ADAM12: variants seen among roughly 807,000 people sequenced by gnomAD.
ADAM12 encodes the protein ADAM metallopeptidase domain 12.
ADAM12 carries 70 observed loss-of-function variants against 106.4 expected under a neutral mutation model. The observed-to-expected ratio is 0.66, with a 90% CI of 0.54 to 0.80. ADAM12 has a LOEUF of 0.80. Among genes scored for constraint, ADAM12 ranks in the 30% least tolerant of loss-of-function variants. The pLI, the probability that ADAM12 is intolerant of heterozygous loss-of-function variation, is 0.00. For synonymous variants in ADAM12, 420 were observed against 433.5 expected (o/e 0.97, Z 0.39); for missense variants, 1,010 against 1,171.9 (o/e 0.86, Z 2.02).
At chr10:126,340,377 C>CT (rs1167841476) in intron 1 of ADAM12, among the ~76,000 whole-genome samples, 2 of 152,182 alleles carry the variant, frequency 1.3e-5, no homozygotes, top group African/African-American at 4.8e-5. Flanking sequence ...CTTTTATAAG[C>CT]TTACCTTGTT....
chr10:126,162,477 G>A (rs1420507133), intron 3 of ADAM12, among the ~76,000 whole-genome samples: 2 of 152,194 alleles, frequency 1.3e-5, no homozygotes, highest in Non-Finnish European at 2.9e-5. Context: ...AGACAGGCAG[G>A]CTGGGGACAG....
intron 1 of ADAM12, among the ~76,000 whole-genome samples, chr10:126,356,307 T>A (rs1296801398): frequency 6.6e-6 from 1 of 152,162 alleles, no homozygotes; most frequent in Non-Finnish European, 1.5e-5. Context: ...CAGCCAGTAG[T>A]TCTGCCTAAT....
intron 22 of ADAM12, among the ~76,000 whole-genome samples, chr10:126,017,586 G>A (rs1202413317): frequency 6.6e-6 from 1 of 152,114 alleles, no homozygotes; most frequent in East Asian, 1.9e-4. Context: ...AAATTTTCTA[G>A]TAGCCACATG....
intron 3 of ADAM12, among the ~76,000 whole-genome samples, chr10:126,156,299 G>T (rs1375160095): frequency 6.6e-6 from 1 of 152,182 alleles, no homozygotes; most frequent in Non-Finnish European, 1.5e-5. Context: ...GATTCATGCT[G>T]ACTTTCTAGA....
At chr10:126,358,258 C>A (rs1390736008) in intron 1 of ADAM12, among the ~76,000 whole-genome samples, 2 of 151,746 alleles carry the variant, frequency 1.3e-5, no homozygotes, top group African/African-American at 4.8e-5. Context: ...AAAAACCTAG[C>A]ACACCAAATT....
intron 21 of ADAM12, among the ~76,000 whole-genome samples, chr10:126,025,656 G>A (rs1476994612): frequency 6.6e-6 from 1 of 151,956 alleles, no homozygotes. Flanking sequence ...AACAGAAAAT[G>A]ACCCACAAAA....
chr10:126,329,334 A>G (rs1229609372), intron 2 of ADAM12, among the ~76,000 whole-genome samples: 1 of 152,138 alleles, frequency 6.6e-6, no homozygotes, highest in Non-Finnish European at 1.5e-5. Flanking sequence ...TCTATTATTC[A>G]TGTATATCAA....
intron 21 of ADAM12, among the ~76,000 whole-genome samples, chr10:126,020,614 G>A (rs957396970): frequency 1.3e-5 from 2 of 152,138 alleles, no homozygotes; most frequent in Non-Finnish European, 2.9e-5. Flanking sequence ...AGAAAATAAT[G>A]CATAGGAAGT....
chr10:126,092,194 G>A (rs988953622), intron 11 of ADAM12, among the ~76,000 whole-genome samples: 3 of 152,144 alleles, frequency 2.0e-5, no homozygotes, highest in African/African-American at 7.2e-5. Flanking sequence ...ACCATTTCTG[G>A]AGGCCCATAG....
intron 3 of ADAM12, among the ~76,000 whole-genome samples, chr10:126,265,101 C>G (rs1959072516): frequency 6.6e-6 from 1 of 152,134 alleles, no homozygotes; most frequent in Admixed American, 6.5e-5. Flanking sequence ...TGTGGTGCAC[C>G]TCGTTATCCC....
chr10:126,100,478 C>G (rs867510621), intron 9 of ADAM12, among the ~76,000 whole-genome samples: 1 of 148,594 alleles, frequency 6.7e-6, no homozygotes, highest in African/African-American at 2.5e-5. Flanking sequence ...CCGAGGTGGG[C>G]GGATCATGAG....
intron 1 of ADAM12, among the ~76,000 whole-genome samples, chr10:126,367,726 G>A (rs1204498541): frequency 6.6e-6 from 1 of 151,848 alleles, no homozygotes; most frequent in African/African-American, 2.4e-5. Flanking sequence ...AGATAATACA[G>A]GCATTAAGTG....
intron 1 of ADAM12, among the ~76,000 whole-genome samples, chr10:126,353,455 G>C (rs1855429629): frequency 6.6e-6 from 1 of 152,190 alleles, no homozygotes; most frequent in Non-Finnish European, 1.5e-5. Context: ...AGGGACACAG[G>C]CTACTAGGCA....
chr10:126,127,549 G>A (rs1265169712), intron 5 of ADAM12, among the ~76,000 whole-genome samples: 1 of 152,204 alleles, frequency 6.6e-6, no homozygotes, highest in Non-Finnish European at 1.5e-5. Context: ...TAGCAGACAG[G>A]AAGGTGAAGG....
intron 4 of ADAM12, among the ~76,000 whole-genome samples, chr10:126,154,694 T>G (rs1416360230): frequency 6.6e-6 from 1 of 152,168 alleles, no homozygotes; most frequent in Non-Finnish European, 1.5e-5. Flanking sequence ...ACAAATGAAG[T>G]GAGCATTTTG....
chr10:126,066,773 A>T lies in ADAM12; in HGVS notation c.1357T>A (p.Cys453Ser), dbSNP rs1362674735. Residue 453 changes from cysteine to serine, a missense_variant, in exon 13 of 23, where the codon TGT (cysteine) becomes AGT (serine). Around this residue, in one of 3 missense-constraint regions of ADAM12, gnomAD observed 615 missense variants for 708.5 expected, o/e 0.87. Coordinates refer to ENST00000448723, the MANE Select transcript of ADAM12 (RefSeq NM_001288973.2). The surrounding 1 kb of genome is among the most constrained non-coding windows in gnomAD (Gnocchi z 5.1). Reference sequence around the variant, plus strand: ...CACACAGCGTCCGGCTTCAGGGTACAGGTGGTGGCATTGCAGCAGCGATTC... The same window carrying T: ...CACACAGCGTCCGGCTTCAGGGTACTGGTGGTGGCATTGCAGCAGCGATTC... The part of the protein sequence containing the change: ...CMNRCCNATT[C>S]TLKPDAVCAH... The T allele has an allele frequency of 1.2e-6, 2 of 1,614,088 alleles. No individual in the cohort carries two copies. The highest frequency in any genetic ancestry group is 1.7e-5 in the Admixed American group (1 of 60,014).
chr10:126,251,109 G>A (rs968617192), intron 3 of ADAM12, among the ~76,000 whole-genome samples: 1 of 152,198 alleles, frequency 6.6e-6, no homozygotes, highest in Non-Finnish European at 1.5e-5. Flanking sequence ...CTCTGGCCAA[G>A]GGGTAGGAAC....
At chr10:126,191,309 T>C (rs1279283706) in intron 3 of ADAM12, among the ~76,000 whole-genome samples, 1 of 152,082 alleles carries the variant, frequency 6.6e-6, no homozygotes, top group African/African-American at 2.4e-5. Flanking sequence ...GGAGCCTTTA[T>C]GGGGTTATAA....
intron 2 of ADAM12, among the ~76,000 whole-genome samples, chr10:126,305,942 T>C (rs1404108085): frequency 6.6e-6 from 1 of 152,056 alleles, no homozygotes; most frequent in Non-Finnish European, 1.5e-5. Context: ...TTTTACTTGA[T>C]TCCTGTAGGA....
Sources: gnomAD v4.1 joint callset for allele counts (sites outside exome capture counted in the v4.1 genomes callset) on GRCh38, gnomAD v4.1.1 for gene constraint, gnomAD v4.1.1 regional missense constraint, Gnocchi (gnomAD v3.1) non-coding constraint, MANE v1.5 for transcripts, NCBI Gene and HGNC (gene_info 2026-07-23, HGNC 2026-07-21) for gene names.